The following MEN1 variants were observed in gnomAD, a reference collection of about 807,000 sequenced individuals.
MEN1 encodes the protein menin 1.
A neutral mutation model predicts 58.0 loss-of-function variants in MEN1; 6 were observed. That is an observed-to-expected ratio of 0.10 (90% CI 0.06 to 0.20). The LOEUF is 0.20. Ranked by LOEUF, MEN1 falls within the 10% of genes least tolerant of loss-of-function variation. The pLI, the probability that MEN1 is intolerant of heterozygous loss-of-function variation, is 1.00. For synonymous variants in MEN1, 346 were observed against 350.7 expected, an observed-to-expected ratio of 0.99 and a Z score of 0.15; for missense variants, 492 against 818.5, an observed-to-expected ratio of 0.60 and a Z score of 4.87.
Position 64,807,990 on chromosome 11 carries a change from C to T in MEN1, c.555G>A (p.Val185=), listed in dbSNP as rs1178007625. 2.5e-6 allele frequency: 4 copies of T among 1,614,216 alleles called. No individual in the cohort carries two copies. The South Asian group carries it at 4.4e-5, about 18-fold the overall frequency. The change falls in exon 3 of 10, where the codon GTG becomes GTA. Residue 185 remains valine (V), a synonymous_variant. Transcript: ENST00000450708. This position sits in a 1 kb window ranked among gnomAD's most constrained non-coding sequence, Gnocchi z 4.9. ...LALSEDHAWV[V]FGPNGEQTAE... ...CTGTCTGCTCCCCATTGGGCCCAAACACTACCCAGGCATGATCCTCAGACA... is the reference window on the plus strand; with the variant it reads ...CTGTCTGCTCCCCATTGGGCCCAAATACTACCCAGGCATGATCCTCAGACA...
intron 8 of MEN1, among the ~76,000 whole-genome samples, 180 bp from the exon 9 acceptor site, chr11:64,805,378 C>G (rs1221005555): frequency 6.6e-6 from 1 of 152,212 alleles, no homozygotes; most frequent in Non-Finnish European, 1.5e-5. Context: ...GACGTACCAT[C>G]CCTACCTCCA....
Position 64,803,540 on chromosome 11 carries a change from C to T in MEN1, c.*794G>A, listed in dbSNP as rs117705251. ...ATTTTTTTTAACAAAATGTATTCATCTTTCTTGGAACTGAAAAATAAATCT... is the reference window on the plus strand; with the variant it reads ...ATTTTTTTTAACAAAATGTATTCATTTTTCTTGGAACTGAAAAATAAATCT... On this transcript the variant is annotated 3_prime_UTR_variant, in exon 10 of 10. Coordinates refer to ENST00000450708, the MANE Select transcript of MEN1 (RefSeq NM_001370259.2). 133 of 231,766 alleles carry T rather than the reference C, an allele frequency of 5.7e-4. 1 individual carries two copies. The East Asian group carries it at 7.8e-3, about 14-fold the overall frequency. The allele number at this position is 231,766 out of a possible 1,614,324, so 14.4% of individuals were successfully genotyped here. A position where few individuals can be genotyped will look rare whatever the true frequency, so the allele number is the denominator to read the frequency against.
chr11:64,806,400 G>A, intron 6 of MEN1, 32 bp from the exon 7 acceptor site: 2 of 1,613,926 alleles, frequency 1.2e-6, no homozygotes, highest in Non-Finnish European at 1.7e-6. Context: ...GATCCTCAGG[G>A]AGGCAGCCCC....
Position 64,810,134 on chromosome 11 carries a change from T to A in MEN1, c.-23-2A>T. 1.3e-6 allele frequency: 1 copy of A among 747,084 alleles called. No individual in the cohort carries two copies. The highest frequency in any genetic ancestry group is 1.9e-5 in the South Asian group (1 of 53,864). 46.3% of individuals were successfully genotyped at this position (747,084 alleles called of 1,614,324 possible). A position where few individuals can be genotyped will look rare whatever the true frequency, so the allele number is the denominator to read the frequency against. On this transcript the variant is annotated splice_acceptor_variant, in intron 1 of 9. Coordinates refer to ENST00000450708, the MANE Select transcript of MEN1 (RefSeq NM_001370259.2). LOFTEE classifies it low-confidence loss of function (5UTR_SPLICE). ...TGGCGGCGGGCGGTGGGCGGCGGCC[T>A]GCAAGGCAAGCCGGGGGAGGGAGGG...
In MEN1 at chr11:64,807,991, A is replaced by G. The variant is rs764847812; in HGVS notation, c.554T>C (p.Val185Ala). The change falls in exon 3 of 10, where the codon GTG becomes GCG. Residue 185 changes from valine (V) to alanine (A), a missense_variant. Transcript: ENST00000450708. This position sits in a 1 kb window ranked among gnomAD's most constrained non-coding sequence, Gnocchi z 4.9. The stretch of plus-strand genomic sequence containing the variant: ...TGTCTGCTCCCCATTGGGCCCAAAC[A>G]CTACCCAGGCATGATCCTCAGACAG... The part of the protein sequence containing the change: ...LALSEDHAWV[V>A]FGPNGEQTAE... The G allele has an allele frequency of 1.9e-6, 3 of 1,614,136 alleles. No individual in the cohort carries two copies. The highest frequency in any genetic ancestry group is 2.7e-5 in the African/African-American group (2 of 75,018).
chr11:64,806,404 C>A, intron 6 of MEN1, 36 bp from the exon 7 acceptor site: 1 of 1,613,806 alleles, frequency 6.2e-7, no homozygotes, highest in Non-Finnish European at 8.5e-7. Flanking sequence ...CTCAGGGAGG[C>A]AGCCCCAGCT....
In MEN1 at chr11:64,804,613, A is replaced by G. The variant is rs2136084986; in HGVS notation, c.1554T>C (p.Pro518=). The G allele has an allele frequency of 1.2e-6, 2 of 1,609,640 alleles. No homozygotes were observed. The highest frequency in any genetic ancestry group is 2.2e-5 in the South Asian group (2 of 90,998). The change falls in exon 10 of 10, where the codon CCT becomes CCC. Residue 518 remains proline, a synonymous_variant. Coordinates refer to ENST00000450708, the MANE Select transcript of MEN1 (RefSeq NM_001370259.2). This position sits in a 1 kb window ranked among gnomAD's most constrained non-coding sequence, Gnocchi z 4.2. ...GGGCTGTGCCAGCGACAGTCCCAGG[A>G]GGCTTCCGGGGGGGTCCTGACACTG... ...QGAVSGPPRK[P]PGTVAGTARG... is the part of the protein sequence containing the mutation.
In MEN1 at chr11:64,810,043, A is replaced by G; in HGVS notation, c.67T>C (p.Phe23Leu). The G allele has an allele frequency of 6.2e-7, 1 of 1,609,840 alleles. No individual in the cohort carries two copies. The highest frequency in any genetic ancestry group is 8.5e-7 in the Non-Finnish European group (1 of 1,178,320). The change falls in exon 2 of 10, where the codon TTT becomes CTT. Residue 23 changes from phenylalanine (F) to leucine (L), a missense_variant. Coordinates refer to ENST00000450708, the MANE Select transcript of MEN1 (RefSeq NM_001370259.2). ...TCCTCTCGGCCCAGCTCGGCAGCAA[A>G]CAGGCGCACCACGTCGTCGATGGAG... ...LRSIDDVVRLFAAELGREEPD... is the reference protein window; with the variant it reads ...LRSIDDVVRLLAAELGREEPD...
Position 64,804,820 on chromosome 11 carries a change from G to A in MEN1, c.1351-4C>T, listed in dbSNP as rs764408631. 6.7e-5 allele frequency: 107 copies of A among 1,596,768 alleles called. No homozygotes were observed. Among genetic ancestry groups the A allele is most frequent in the Non-Finnish European group, 8.7e-5 (103 of 1,179,028 alleles). On this transcript the variant is annotated splice_polypyrimidine_tract_variant and splice_region_variant and intron_variant, in intron 9 of 9. Coordinates refer to ENST00000450708, the MANE Select transcript of MEN1 (RefSeq NM_001370259.2). The surrounding 1 kb of genome is among the most constrained non-coding windows in gnomAD (Gnocchi z 4.2). ...CTATGCGCACCTTCTGCCGCACCTG[G>A]GCCAGTGGGGAGAGCAAGGTGAGAG...
At chr11:64,806,195 A>C (rs1460667213) in intron 7 of MEN1, 37 bp downstream of exon 7, 9 of 1,612,906 alleles carry the variant, frequency 5.6e-6, no homozygotes, top group African/African-American at 1.3e-5. Context: ...GAGGGGAAGA[A>C]AGGACAGGCT....
Position 64,805,695 on chromosome 11 carries a change from C to G in MEN1, c.1125G>C (p.Leu375=), listed in dbSNP as rs867481093. 4 of 1,614,204 alleles carry G rather than the reference C, an allele frequency of 2.5e-6. No individual in the cohort carries two copies. The highest frequency in any genetic ancestry group is 3.3e-4 in the Middle Eastern group (2 of 6,060). ...CCAGCAAGCTGGCTGCCTCCTTCAGCAGGTTGGGGATGACATCATTGGCTA... is the reference window on the plus strand; with the variant it reads ...CCAGCAAGCTGGCTGCCTCCTTCAGGAGGTTGGGGATGACATCATTGGCTA... ...FEVANDVIPN[L]LKEAASLLEA... The change falls in exon 8 of 10, where the codon CTG becomes CTC. Residue 375 remains leucine (L), a synonymous_variant. Coordinates refer to ENST00000450708, the MANE Select transcript of MEN1 (RefSeq NM_001370259.2).
In MEN1 at chr11:64,810,512, A is replaced by G. The variant is rs539699125; in HGVS notation, c.-24+2T>C. 1 of 190,968 alleles carries G rather than the reference A, an allele frequency of 5.2e-6. No individual in the cohort carries two copies. The highest frequency in any genetic ancestry group is 1.0e-4 in the East Asian group (1 of 9,532). 11.8% of individuals were successfully genotyped at this position (190,968 alleles called of 1,614,324 possible). A position where few individuals can be genotyped will look rare whatever the true frequency, so the allele number is the denominator to read the frequency against. On this transcript the variant is annotated splice_donor_variant, in intron 1 of 9. Coordinates refer to ENST00000450708, the MANE Select transcript of MEN1 (RefSeq NM_001370259.2). LOFTEE classifies it low-confidence loss of function (5UTR_SPLICE). ...GTCCTGGCCTCGGTCCCCCTCGCCC[A>G]CCTCCGCGCTTACATCCCACACTAG...
intron 1 of MEN1, 98 bp downstream of exon 1, chr11:64,810,416 G>A (rs1035522859): frequency 6.7e-6 from 3 of 444,460 alleles, no homozygotes; most frequent in South Asian, 5.8e-5. Context: ...CCCTCTCTAC[G>A]ACTGTGCCCC....
chr11:64,808,247 C>CT lies in MEN1; in HGVS notation c.446-149dup, dbSNP rs1941885318. ...TCTCCTGCCCACTATCCCTCCATCC[C>CT]TTCCCTCCCACGTGTTCAAAGACTC... On this transcript the variant is annotated intron_variant, in intron 2 of 9. Transcript: ENST00000450708. 4 of 726,170 alleles carry CT rather than the reference C, an allele frequency of 5.5e-6. No homozygotes were observed. In the South Asian group the frequency reaches 6.7e-5, roughly 12 times the overall value. 45.0% of individuals were successfully genotyped at this position (726,170 alleles called of 1,614,324 possible).
rs749001511 is a variant in MEN1 at position 64,809,933 on chromosome 11, G to A, written c.177C>T (p.Pro59=). 6.3e-7 allele frequency: 1 copy of A among 1,584,434 alleles called. No individual in the cohort carries two copies. Among genetic ancestry groups the A allele is most frequent in the Non-Finnish European group, 8.6e-7 (1 of 1,165,354 alleles). The stretch of plus-strand genomic sequence containing the variant: ...CGGGGCTGGGCTGGAAGGTGAGCTC[G>A]GGAACGTTGGTAGGGATGACGCGGT... ...AVNRVIPTNV[P]ELTFQPSPAP... The change falls in exon 2 of 10, where the codon CCC becomes CCT. Residue 59 remains proline, a synonymous_variant. Coordinates refer to ENST00000450708, the MANE Select transcript of MEN1 (RefSeq NM_001370259.2).
In MEN1 at chr11:64,810,070, G is replaced by T. The variant is rs1209178117; in HGVS notation, c.40C>A (p.Arg14Ser). Residue 14 changes from arginine (R) to serine (S), a missense_variant, in exon 2 of 10, where the codon CGC becomes AGC. Physicochemically the swap from Arg to Ser is moderately radical, Grantham distance 110. Around this residue, in one of 5 missense-constraint regions of MEN1, gnomAD observed 335 missense variants for 550.3 expected, o/e 0.61. Transcript: ENST00000450708. The part of the protein sequence containing the change: ...KAAQKTLFPL[R>S]SIDDVVRLFA... The stretch of plus-strand genomic sequence containing the variant: ...AGGCGCACCACGTCGTCGATGGAGC[G>T]CAGCGGGAACAGCGTCTTCTGGGCG... 1 of 1,603,060 alleles carries T rather than the reference G, an allele frequency of 6.2e-7. No homozygotes were observed. The highest frequency in any genetic ancestry group is 1.7e-5 in the Admixed American group (1 of 59,460).
At chr11:64,809,384 C>T (rs1941959657) in intron 2 of MEN1, among the ~76,000 whole-genome samples, 1 of 151,914 alleles carries the variant, frequency 6.6e-6, no homozygotes, top group African/African-American at 2.4e-5. Context: ...ATGCTTAGAA[C>T]TCCTGTAGCT....
chr11:64,805,819 G>A (rs758527044), intron 7 of MEN1, 49 bp from the exon 8 acceptor site: 7 of 1,610,332 alleles, frequency 4.3e-6, no homozygotes, highest in South Asian at 3.3e-5. Context: ...TCTCACCATC[G>A]GGGGTAGCCC....
Position 64,805,655 on chromosome 11 carries a change from G to A in MEN1, c.1165C>T (p.Arg389Trp), listed in dbSNP as rs566593066. 2.5e-6 allele frequency: 4 copies of A among 1,614,018 alleles called. No homozygotes were observed. The highest frequency in any genetic ancestry group is 1.1e-5 in the South Asian group (1 of 91,088). The change falls in exon 8 of 10, where the codon CGG becomes TGG. Residue 389 changes from arginine to tryptophan, a missense_variant. Arg to Trp is a moderately radical substitution (Grantham distance 101). Transcript: ENST00000450708. Reference sequence around the variant, plus strand: ...TTCACCTGGCTTTGCTCCCCCGGCCGCTCCTCGCCCGCCTCCAGCAAGCTG... The same window carrying A: ...TTCACCTGGCTTTGCTCCCCCGGCCACTCCTCGCCCGCCTCCAGCAAGCTG... ...AASLLEAGEERPGEQSQGTQS... is the reference protein window; with the variant it reads ...AASLLEAGEEWPGEQSQGTQS...
Sources: allele counts gnomAD v4.1 joint callset (sites outside exome capture counted in the v4.1 genomes callset), GRCh38; gene constraint gnomAD v4.1.1; regional missense constraint gnomAD v4.1.1; non-coding constraint Gnocchi (gnomAD v3.1); transcripts MANE v1.5; gene names NCBI Gene and HGNC (gene_info 2026-07-23, HGNC 2026-07-21).